Variants in POU6F2 observed in about 807,000 individuals in gnomAD.
POU6F2 encodes POU domain, class 6, transcription factor 2.
Under a neutral mutation model 71.3 loss-of-function variants are expected in POU6F2, and 31 were observed. The ratio of observed to expected loss-of-function variants is 0.43; its 90% confidence interval spans 0.33 to 0.59. POU6F2 has a LOEUF of 0.59. Ranked by LOEUF, POU6F2 falls within the 20% of genes least tolerant of loss-of-function variation. The probability of loss-of-function intolerance (pLI) is 0.04; values close to 1 mark genes in which losing one functional copy is unlikely to be tolerated. For missense variants in POU6F2, 783 were observed against 856.8 expected (o/e 0.91, Z 1.07); for synonymous variants, 347 against 355.7 (o/e 0.98, Z 0.27).
chr7:39,187,482 G>A (rs933179245), intron 2 of POU6F2, among the ~76,000 whole-genome samples: 5 of 152,208 alleles, frequency 3.3e-5, no homozygotes, highest in Non-Finnish European at 5.9e-5. Context: ...CAGAGGGTAG[G>A]GTGGACAAGA....
chr7:39,205,553 G>T (rs1301054392), intron 3 of POU6F2, among the ~76,000 whole-genome samples: 2 of 152,068 alleles, frequency 1.3e-5, no homozygotes, highest in Non-Finnish European at 2.9e-5. Context: ...CTACTTATTT[G>T]CCTTCCCTCT....
At chr7:39,042,600 G>A (rs948664372) in intron 1 of POU6F2, among the ~76,000 whole-genome samples, 2 of 152,010 alleles carry the variant, frequency 1.3e-5, no homozygotes, top group African/African-American at 4.8e-5. Context: ...AAGTGAAGTT[G>A]TTTGTTACTG....
At chr7:39,345,725 G>A (rs2299140) in intron 5 of POU6F2, among the ~76,000 whole-genome samples, 85,436 of 152,012 alleles carry the variant, frequency 0.56, 24,188 homozygotes, top group East Asian at 0.74. Context: ...TCCACATGGG[G>A]TAGGCAAGGT....
At chr7:38,994,859 C>CTTG (rs1788693931) in intron 1 of POU6F2, among the ~76,000 whole-genome samples, 1 of 152,150 alleles carries the variant, frequency 6.6e-6, no homozygotes, top group Admixed American at 6.5e-5. Context: ...TGTCATTCTG[C>CTTG]TCACCCACCC....
In POU6F2 at chr7:39,298,094, G is replaced by A. The variant is rs142671771; in HGVS notation, c.599-41548G>A. On this transcript the variant is annotated intron_variant, in intron 4 of 9. Transcript: ENST00000518318. The stretch of plus-strand genomic sequence containing the variant: ...AAACCTAGGCAATACCATTAAGGAC[G>A]TAGGCATGAGCAAAGACTTCATGAC... Among the ~76,000 whole-genome samples the A allele has an allele frequency of 3.8e-3, 585 of 152,144 alleles. 2 individuals are homozygous for A. The highest frequency in any genetic ancestry group is 0.013 in the African/African-American group (527 of 41,488).
Position 39,406,810 on chromosome 7 carries a change from T to G in POU6F2, c.1113+70T>G, listed in dbSNP as rs980105517. ...AACTCGGAAAGGAATTGAATTTCTTTTGCATGACAGTGATATGTAACCGCA... is the reference window on the plus strand; with the variant it reads ...AACTCGGAAAGGAATTGAATTTCTTGTGCATGACAGTGATATGTAACCGCA... On this transcript the variant is annotated intron_variant, in intron 6 of 9. Coordinates refer to ENST00000518318, the MANE Select transcript of POU6F2 (RefSeq NM_001370959.1). 36 of 1,573,132 alleles carry G rather than the reference T, an allele frequency of 2.3e-5. No homozygotes were observed. In the African/African-American group the frequency reaches 3.4e-4, roughly 15 times the overall value.
At chr7:39,327,854 CAAA>C (rs34503228) in intron 4 of POU6F2, among the ~76,000 whole-genome samples, 4 of 131,630 alleles carry the variant, frequency 3.0e-5, no homozygotes, top group Non-Finnish European at 3.3e-5. Context: ...TAGTTTGTGT[CAAA>C]AAAAAAAAAA....
chr7:39,283,315 C>T (rs1401906988), intron 4 of POU6F2, among the ~76,000 whole-genome samples: 3 of 151,980 alleles, frequency 2.0e-5, no homozygotes, highest in Non-Finnish European at 4.4e-5. Context: ...GTGTATATTT[C>T]AGTCGTACTA....
chr7:39,029,882 A>T (rs1789900055), intron 1 of POU6F2, among the ~76,000 whole-genome samples: 1 of 152,154 alleles, frequency 6.6e-6, no homozygotes, highest in Admixed American at 6.6e-5. Flanking sequence ...TTTCTGGGTT[A>T]AAAGTGACTT....
chr7:39,165,024 T>C (rs942759800), intron 2 of POU6F2, among the ~76,000 whole-genome samples: 1 of 152,194 alleles, frequency 6.6e-6, no homozygotes, highest in Non-Finnish European at 1.5e-5. Flanking sequence ...ATTTAAATTA[T>C]GCAAAGGGTT....
At chr7:39,064,549 T>C (rs1562691526) in intron 1 of POU6F2, among the ~76,000 whole-genome samples, 1 of 151,138 alleles carries the variant, frequency 6.6e-6, no homozygotes, top group Non-Finnish European at 1.5e-5. Context: ...AAAATAAAAA[T>C]AAAAATTAAA....
At chr7:39,415,497 A>G (rs1787653022) in intron 6 of POU6F2, among the ~76,000 whole-genome samples, 1 of 152,258 alleles carries the variant, frequency 6.6e-6, no homozygotes, top group South Asian at 2.1e-4. Context: ...AACAGGTACT[A>G]CGTAACAAGA....
At chr7:39,300,346 G>A (rs1784929813) in intron 4 of POU6F2, among the ~76,000 whole-genome samples, 1 of 152,320 alleles carries the variant, frequency 6.6e-6, no homozygotes. Context: ...CAGGAAGGGA[G>A]GGAAAGTGGG....
At chr7:39,312,773 T>G (rs369030210) in intron 4 of POU6F2, among the ~76,000 whole-genome samples, 2 of 152,176 alleles carry the variant, frequency 1.3e-5, no homozygotes, top group East Asian at 3.9e-4. Flanking sequence ...GTCTGACAAC[T>G]AAGATTGCTG....
chr7:39,232,042 T>C (rs1794586611), intron 4 of POU6F2, among the ~76,000 whole-genome samples: 1 of 152,216 alleles, frequency 6.6e-6, no homozygotes, highest in Admixed American at 6.5e-5. Context: ...TAAAAAGATG[T>C]CTATAATTTT....
chr7:39,263,663 G>GCA (rs1784183794), intron 4 of POU6F2, among the ~76,000 whole-genome samples: 1 of 97,500 alleles, frequency 1.0e-5, no homozygotes, highest in Non-Finnish European at 2.2e-5. Flanking sequence ...GCGTGTTCAC[G>GCA]CACACACACG....
intron 1 of POU6F2, among the ~76,000 whole-genome samples, chr7:39,079,009 C>A (rs942647501): frequency 2.0e-4 from 30 of 152,114 alleles, no homozygotes. Flanking sequence ...GATTTGGTGA[C>A]TCGTGCTCCA....
At chr7:39,186,157 C>A (rs983386466) in intron 2 of POU6F2, among the ~76,000 whole-genome samples, 5 of 152,082 alleles carry the variant, frequency 3.3e-5, no homozygotes, top group Non-Finnish European at 4.4e-5. Flanking sequence ...GTTGAATGAA[C>A]AAATGAACAA....
chr7:39,416,993 T>C (rs2115942689), intron 6 of POU6F2, among the ~76,000 whole-genome samples: 1 of 152,276 alleles, frequency 6.6e-6, no homozygotes, highest in Non-Finnish European at 1.5e-5. Flanking sequence ...GGAAGCCATT[T>C]ATATCTCAGC....
Sources: gnomAD v4.1 joint callset for allele counts (sites outside exome capture counted in the v4.1 genomes callset) on GRCh38, gnomAD v4.1.1 for gene constraint, MANE v1.5 for transcripts, NCBI Gene and HGNC (gene_info 2026-07-23, HGNC 2026-07-21) for gene names.